FGF14: variants seen among roughly 807,000 people sequenced by gnomAD.
FGF14 encodes the protein fibroblast growth factor homologous factor 4.
A neutral mutation model predicts 25.5 loss-of-function variants in FGF14; 5 were observed. The ratio of observed to expected loss-of-function variants is 0.20; its 90% CI spans 0.10 to 0.41. The LOEUF (loss-of-function observed/expected upper bound fraction) is 0.41. Among genes scored for constraint, FGF14 ranks in the 10% least tolerant of loss-of-function variants. FGF14 has a pLI of 1.00. For synonymous variants in FGF14, 138 were observed against 118.3 expected, an observed-to-expected ratio of 1.17 and a Z score of -1.08; for missense variants, 222 against 320.1, an observed-to-expected ratio of 0.69 and a Z score of 2.34.
chr13:102,209,454 T>A (rs1169093709), intron 1 of FGF14, among the ~76,000 whole-genome samples: 1 of 152,202 alleles, frequency 6.6e-6, no homozygotes, highest in East Asian at 1.9e-4. Context: ...AATGTACTTT[T>A]AAAAAAGAAA....
At chr13:101,744,912 C>T (rs1244138900) in intron 3 of FGF14, among the ~76,000 whole-genome samples, 2 of 152,102 alleles carry the variant, frequency 1.3e-5, no homozygotes, top group East Asian at 3.9e-4. Context: ...CCCCTGCCCT[C>T]AAAGACCTTA....
intron 3 of FGF14, among the ~76,000 whole-genome samples, chr13:101,806,423 GAA>G (rs145519828): frequency 3.8e-4 from 23 of 60,388 alleles, no homozygotes; most frequent in South Asian, 2.7e-3. Context: ...CGTCTAAGAA[GAA>G]AAAAAAAAAA....
intron 1 of FGF14, among the ~76,000 whole-genome samples, chr13:102,258,362 C>T (rs1446694610): frequency 2.0e-5 from 3 of 152,034 alleles, no homozygotes; most frequent in Admixed American, 2.0e-4. Context: ...GGCCAGGAGG[C>T]CAAGCGACCA....
At chr13:102,136,662 A>AG (rs1310759676) in intron 1 of FGF14, among the ~76,000 whole-genome samples, 6 of 147,124 alleles carry the variant, frequency 4.1e-5, no homozygotes, top group South Asian at 4.3e-4. Flanking sequence ...ATTCTATGGG[A>AG]AAAAAAAAAA....
At chr13:101,886,376 G>A (rs2138848955) in intron 1 of FGF14, among the ~76,000 whole-genome samples, 1 of 152,184 alleles carries the variant, frequency 6.6e-6, no homozygotes, top group South Asian at 2.1e-4. Context: ...AGAGAGCCCA[G>A]AAATGAATCC....
chr13:102,119,627 T>C (rs567735582), intron 1 of FGF14, among the ~76,000 whole-genome samples: 1 of 152,312 alleles, frequency 6.6e-6, no homozygotes, highest in East Asian at 1.9e-4. Context: ...ATAAATAATA[T>C]ATATGTATGT....
chr13:101,966,819 CT>C (rs2037234639), intron 1 of FGF14, among the ~76,000 whole-genome samples: 1 of 152,106 alleles, frequency 6.6e-6, no homozygotes, highest in African/African-American at 2.4e-5. Context: ...TTGATGCTTT[CT>C]TAGGGACGAC....
intron 1 of FGF14, among the ~76,000 whole-genome samples, chr13:102,246,051 G>T (rs961672339): frequency 2.0e-5 from 3 of 151,946 alleles, no homozygotes; most frequent in Non-Finnish European, 2.9e-5. Flanking sequence ...TATGTGATAG[G>T]TGGACATTTT....
chr13:102,202,125 A>G (rs1253175935), intron 1 of FGF14, among the ~76,000 whole-genome samples: 1 of 152,154 alleles, frequency 6.6e-6, no homozygotes, highest in Admixed American at 6.5e-5. Context: ...AAGTTCCCTG[A>G]GGCCTCCCCA....
chr13:102,260,229 G>A (rs1021795519), intron 1 of FGF14, among the ~76,000 whole-genome samples: 5 of 152,192 alleles, frequency 3.3e-5, no homozygotes, highest in African/African-American at 1.2e-4. Context: ...GGGTTAACTG[G>A]TACTCAAATT....
At chr13:102,161,636 A>ATTCCT (rs2047717704) in intron 1 of FGF14, among the ~76,000 whole-genome samples, 1 of 10,194 alleles carries the variant, frequency 9.8e-5, no homozygotes. Context: ...AAGAAGAAGA[A>ATTCCT]GAAGAAGAAG....
At chr13:102,083,128 A>G (rs1317028189) in intron 1 of FGF14, among the ~76,000 whole-genome samples, 2 of 152,198 alleles carry the variant, frequency 1.3e-5, no homozygotes, top group Non-Finnish European at 2.9e-5. Context: ...TCCACTTCAC[A>G]ACTAATTCCT....
chr13:101,835,154 T>G (rs565959770), intron 3 of FGF14, among the ~76,000 whole-genome samples: 1 of 152,056 alleles, frequency 6.6e-6, no homozygotes, highest in African/African-American at 2.4e-5. Flanking sequence ...GATTGATACA[T>G]TGGAGTTGGA....
chr13:102,081,529 T>A (rs1403314547), intron 1 of FGF14, among the ~76,000 whole-genome samples: 1 of 152,196 alleles, frequency 6.6e-6, no homozygotes, highest in African/African-American at 2.4e-5. Context: ...CCCAATGATA[T>A]TCTCTATCAT....
At chr13:102,342,209 A>T (rs564290166) in intron 1 of FGF14, among the ~76,000 whole-genome samples, 1 of 152,294 alleles carries the variant, frequency 6.6e-6, no homozygotes, top group East Asian at 1.9e-4. Flanking sequence ...CTGCAGGGGA[A>T]CAATGAAGAG....
chr13:102,295,766 C>T (rs1309631495), intron 1 of FGF14, among the ~76,000 whole-genome samples: 2 of 152,092 alleles, frequency 1.3e-5, no homozygotes, highest in Admixed American at 6.6e-5. Flanking sequence ...CAAATACCTC[C>T]GCAATGGGCA....
chr13:102,161,635 A>AT (rs1566764868), intron 1 of FGF14, among the ~76,000 whole-genome samples: 120 of 11,408 alleles, frequency 0.011, 11 homozygotes, highest in African/African-American at 0.054. Context: ...GAAGAAGAAG[A>AT]AGAAGAAGAA....
intron 1 of FGF14, among the ~76,000 whole-genome samples, chr13:102,215,931 A>G (rs2050352005): frequency 6.6e-6 from 1 of 152,176 alleles, no homozygotes; most frequent in African/African-American, 2.4e-5. Context: ...AAGCAGATGG[A>G]GTGAGAGAAA....
At chr13:102,165,918 T>A (rs892864934) in intron 1 of FGF14, among the ~76,000 whole-genome samples, 1 of 148,496 alleles carries the variant, frequency 6.7e-6, no homozygotes, top group Non-Finnish European at 1.5e-5. Context: ...TCTTTTCCTT[T>A]AAAAAAAAAA....
Sources: gnomAD v4.1 joint callset for allele counts (sites outside exome capture counted in the v4.1 genomes callset) on GRCh38, gnomAD v4.1.1 for gene constraint, MANE v1.5 for transcripts, NCBI Gene and HGNC (gene_info 2026-07-23, HGNC 2026-07-21) for gene names.